The following SLC16A10 variants were observed in gnomAD, a reference collection of about 807,000 sequenced individuals.
SLC16A10 encodes solute carrier family 16 member 10.
A neutral mutation model predicts 40.0 loss-of-function variants in SLC16A10; 27 were observed. That is an observed-to-expected ratio of 0.67 (90% CI 0.50 to 0.93). The LOEUF is 0.93. Ranked by LOEUF, SLC16A10 falls within the 40% of genes least tolerant of loss-of-function variation. The pLI is 0.00. For missense variants in SLC16A10, 529 were observed against 658.2 expected (o/e 0.80, Z 2.15); for synonymous variants, 213 against 249.8 (o/e 0.85, Z 1.39).
rs566126432 is a variant in SLC16A10 at position 111,171,093 on chromosome 6, C to T, written c.344-1602C>T. On this transcript the variant is annotated intron_variant, in intron 1 of 5. Transcript: ENST00000368851. ...CAGAGGTTGCAGTGAGCAAACATTG[C>T]GTCACCGCACTCCAGCCTGGGTGAC... Among the ~76,000 whole-genome samples, 254 of 152,188 alleles carry T rather than the reference C, an allele frequency of 1.7e-3. 2 individuals are homozygous for T. Among genetic ancestry groups the T allele is most frequent in the Middle Eastern group, 3.4e-3 (1 of 294 alleles).
At chr6:111,221,960 G>A (rs779884437) in intron 5 of SLC16A10, 43 bp from the exon 6 acceptor site, 3 of 1,566,908 alleles carry the variant, frequency 1.9e-6, no homozygotes, top group Non-Finnish European at 2.6e-6. Context: ...CCCCTACAGA[G>A]CCACACTTGT....
chr6:111,108,112 C>T (rs1449188052), intron 1 of SLC16A10, among the ~76,000 whole-genome samples: 1 of 151,912 alleles, frequency 6.6e-6, no homozygotes, highest in Non-Finnish European at 1.5e-5. Flanking sequence ...CTCCACCTGC[C>T]AGGTTCAAGC....
At position 111,158,199 on chromosome 6, in the gene SLC16A10, AAG is replaced by A. The variant is rs1446108021; in HGVS notation, c.344-14493_344-14492del. ...TTTTTAAAGTGAACTTTATAATGAAAAGAGTTTGAAATTATTTCCCTATTATT... is the reference window on the plus strand; with the variant it reads ...TTTTTAAAGTGAACTTTATAATGAAAAGTTTGAAATTATTTCCCTATTATT... On this transcript the variant is annotated intron_variant, in intron 1 of 5. Transcript: ENST00000368851. Among the ~76,000 whole-genome samples the A allele has an allele frequency of 9.8e-4, 149 of 152,294 alleles. 1 individual carries two copies. The highest frequency in any genetic ancestry group is 3.5e-3 in the African/African-American group (144 of 41,566).
At chr6:111,184,392 A>G (rs1316701979) in intron 3 of SLC16A10, among the ~76,000 whole-genome samples, 4 of 152,070 alleles carry the variant, frequency 2.6e-5, no homozygotes, top group Admixed American at 2.6e-4. Flanking sequence ...GGAAGATCCC[A>G]TTTACCTGAT....
At chr6:111,221,651 T>A (rs1562438303) in intron 5 of SLC16A10, among the ~76,000 whole-genome samples, 1 of 151,546 alleles carries the variant, frequency 6.6e-6, no homozygotes, top group African/African-American at 2.4e-5. Flanking sequence ...GAGGCTGAGC[T>A]GGGAGGATCA....
chr6:111,097,837 G>C (rs1355490089), intron 1 of SLC16A10, among the ~76,000 whole-genome samples: 3 of 152,120 alleles, frequency 2.0e-5, no homozygotes, highest in African/African-American at 7.2e-5. Flanking sequence ...TCAATTAAAG[G>C]TATCCTTTAG....
chr6:111,172,782 C>T lies in SLC16A10; in HGVS notation c.431C>T (p.Thr144Ile). ...ACAGACCTATTTGGTTGTCGGAAAA[C>T]AGCTGTCGTGGGTGCTGCTGTTGGA... Reference protein sequence around the residue: ...VFTDLFGCRKTAVVGAAVGFV... With the variant: ...VFTDLFGCRKIAVVGAAVGFV... The change falls in exon 2 of 6, where the codon ACA becomes ATA. Residue 144 changes from threonine to isoleucine, a missense_variant. Transcript: ENST00000368851. 1.9e-6 allele frequency: 3 copies of T among 1,614,142 alleles called. No individual in the cohort carries two copies. Among genetic ancestry groups the T allele is most frequent in the Non-Finnish European group, 2.5e-6 (3 of 1,180,018 alleles).
At chr6:111,212,420 C>CTCACA (rs1170202360) in intron 4 of SLC16A10, among the ~76,000 whole-genome samples, 2 of 152,190 alleles carry the variant, frequency 1.3e-5, no homozygotes, top group Non-Finnish European at 2.9e-5. Context: ...ATGAATTTAT[C>CTCACA]TCACATTTTT....
rs907664669 is a variant in SLC16A10 at position 111,223,999 on chromosome 6, G to A, written c.*1764G>A. 6.6e-6 allele frequency: 1 copy of A among 152,286 alleles called. No homozygotes were observed. The highest frequency in any genetic ancestry group is 2.4e-5 in the African/African-American group (1 of 41,456). The allele number at this position is 152,286 out of a possible 1,614,324, so 9.4% of individuals were successfully genotyped here. A position where few individuals can be genotyped will look rare whatever the true frequency, so the allele number is the denominator to read the frequency against. Reference sequence around the variant, plus strand: ...TCATGCCTGTAATCCTAGCACTTTGGTAGTCCAAGGCAGGGGGATCACTTG... The same window carrying A: ...TCATGCCTGTAATCCTAGCACTTTGATAGTCCAAGGCAGGGGGATCACTTG... On this transcript the variant is annotated 3_prime_UTR_variant, in exon 6 of 6. Transcript: ENST00000368851.
chr6:111,152,055 T>C (rs1772181529), intron 1 of SLC16A10, among the ~76,000 whole-genome samples: 1 of 152,194 alleles, frequency 6.6e-6, no homozygotes, highest in Non-Finnish European at 1.5e-5. Context: ...AGGACCTGTT[T>C]CCACCCCCTC....
chr6:111,159,067 CAAAAAAAAAAAAAAAAA>C (rs548809670), intron 1 of SLC16A10, among the ~76,000 whole-genome samples: 3 of 23,394 alleles, frequency 1.3e-4, no homozygotes, highest in African/African-American at 1.5e-4. Context: ...GACCCTGACT[CAAAAAAAAAAAAAAAAA>C]AAAAAAAAAA....
rs781682625 is a variant in SLC16A10 at position 111,177,662 on chromosome 6, C to T, written c.939C>T (p.His313=). ...ALFGYFVPYV[H]LMKHVNERFQ... ...TTGGATACTTTGTGCCTTATGTTCA[C>T]TTGGTGAGTATGCTCCTTCACTGAT... Residue 313 remains histidine (H), a synonymous_variant, in exon 3 of 6, where the codon CAC becomes CAT. Coordinates refer to ENST00000368851, the MANE Select transcript of SLC16A10 (RefSeq NM_018593.5). 1.6e-5 allele frequency: 24 copies of T among 1,539,540 alleles called. No individual in the cohort carries two copies. The African/African-American group carries it at 3.0e-4, about 20-fold the overall frequency.
chr6:111,159,031 A>T (rs1388899811), intron 1 of SLC16A10, among the ~76,000 whole-genome samples: 1 of 140,502 alleles, frequency 7.1e-6, no homozygotes. Flanking sequence ...TCCTGCCACT[A>T]CACTCCAGTC....
At chr6:111,143,245 A>G (rs574152662) in intron 1 of SLC16A10, among the ~76,000 whole-genome samples, 1 of 151,362 alleles carries the variant, frequency 6.6e-6, no homozygotes, top group South Asian at 2.1e-4. Flanking sequence ...ACACCTGGCT[A>G]ATTTTTTTTT....
At chr6:111,138,219 A>G (rs1021167022) in intron 1 of SLC16A10, among the ~76,000 whole-genome samples, 1 of 152,390 alleles carries the variant, frequency 6.6e-6, no homozygotes, top group South Asian at 2.1e-4. Flanking sequence ...AGGAATTCAG[A>G]AAAGTTATTA....
At chr6:111,129,282 C>T (rs545587418) in intron 1 of SLC16A10, among the ~76,000 whole-genome samples, 1 of 152,204 alleles carries the variant, frequency 6.6e-6, no homozygotes, top group South Asian at 2.1e-4. Context: ...GGGTTGGGGG[C>T]ACAAGTGGAA....
chr6:111,134,272 T>A (rs1367665235), intron 1 of SLC16A10, among the ~76,000 whole-genome samples: 1 of 152,204 alleles, frequency 6.6e-6, no homozygotes, highest in Non-Finnish European at 1.5e-5. Context: ...CTATGAATTA[T>A]TCAATGATGT....
chr6:111,170,132 G>A (rs1201359596), intron 1 of SLC16A10, among the ~76,000 whole-genome samples: 1 of 151,910 alleles, frequency 6.6e-6, no homozygotes, highest in Admixed American at 6.6e-5. Context: ...TGGCCAGGCT[G>A]GTCTTGATCC....
intron 1 of SLC16A10, among the ~76,000 whole-genome samples, chr6:111,121,430 G>T (rs987450872): frequency 4.6e-5 from 7 of 152,168 alleles, no homozygotes; most frequent in Admixed American, 4.6e-4. Flanking sequence ...GCGTGGTGGC[G>T]TGTGCCTGTA....
Sources: gnomAD v4.1 joint callset for allele counts (sites outside exome capture counted in the v4.1 genomes callset) on GRCh38, gnomAD v4.1.1 for gene constraint, MANE v1.5 for transcripts, NCBI Gene and HGNC (gene_info 2026-07-23, HGNC 2026-07-21) for gene names.